The following FOXK1 variants were observed in gnomAD, a reference collection of about 807,000 sequenced individuals.
The protein encoded by FOXK1 is forkhead box K1.
FOXK1 carries 19 observed loss-of-function variants against 51.9 expected under a neutral mutation model. The ratio of observed to expected loss-of-function variants is 0.37; its 90% CI spans 0.26 to 0.54. The LOEUF (loss-of-function observed/expected upper bound fraction) is 0.54, where lower values mean the gene tolerates loss of function less well. Ranked by LOEUF, FOXK1 falls within the 20% of genes least tolerant of loss-of-function variation. FOXK1 has a pLI of 0.87. For missense variants in FOXK1, 870 were observed against 1,032.7 expected, an observed-to-expected ratio of 0.84 and a Z score of 2.16; for synonymous variants, 537 against 482.6, an observed-to-expected ratio of 1.11 and a Z score of -1.48.
intron 1 of FOXK1, among the ~76,000 whole-genome samples, chr7:4,685,776 C>G (rs996437469): frequency 6.6e-6 from 1 of 151,810 alleles, no homozygotes; most frequent in African/African-American, 2.4e-5. Context: ...AACCCTGTCT[C>G]TACTAAAAAT....
chr7:4,738,354 T>C (rs1780584936), intron 1 of FOXK1, among the ~76,000 whole-genome samples: 2 of 151,636 alleles, frequency 1.3e-5, no homozygotes, highest in African/African-American at 4.8e-5. Flanking sequence ...GCAGAATCGC[T>C]TGAACCCAGG....
chr7:4,691,017 T>G (rs1167369304), intron 1 of FOXK1, among the ~76,000 whole-genome samples: 6 of 152,236 alleles, frequency 3.9e-5, no homozygotes, highest in African/African-American at 1.4e-4. Flanking sequence ...GTACTTAATT[T>G]TCATTGCGAC....
chr7:4,728,399 C>T (rs932338363), intron 1 of FOXK1, among the ~76,000 whole-genome samples: 1 of 152,220 alleles, frequency 6.6e-6, no homozygotes, highest in Non-Finnish European at 1.5e-5. Flanking sequence ...GCATTAAGCT[C>T]ATTCCACTTC....
rs914879707 is a variant in FOXK1, at chr7:4,743,743, T to C, written c.746+2720T>C. On this transcript the variant is annotated intron_variant, in intron 2 of 8. Coordinates refer to ENST00000328914, the MANE Select transcript of FOXK1 (RefSeq NM_001037165.2). The surrounding 1 kb of genome is among the most constrained non-coding windows in gnomAD (Gnocchi z 5.3). ...CTGGTCCTGCTGCTTTTGGGGCGGG[T>C]AGCAAAGGCCTCAGGTCCAGAGAGA... Among the ~76,000 whole-genome samples, 3 of 151,828 alleles carry C rather than the reference T, an allele frequency of 2.0e-5. No individual in the cohort carries two copies. Among genetic ancestry groups the C allele is most frequent in the Non-Finnish European group, 4.4e-5 (3 of 67,926 alleles).
At chr7:4,737,313 T>C (rs1326185542) in intron 1 of FOXK1, among the ~76,000 whole-genome samples, 1 of 152,262 alleles carries the variant, frequency 6.6e-6, no homozygotes, top group Non-Finnish European at 1.5e-5. Context: ...TTCGTTGATT[T>C]GCAGTGGTTG....
intron 1 of FOXK1, among the ~76,000 whole-genome samples, chr7:4,701,811 G>T (rs1780024179): frequency 6.6e-6 from 1 of 152,198 alleles, no homozygotes; most frequent in African/African-American, 2.4e-5. Flanking sequence ...GAGAATGGTG[G>T]GAACCTGGGA....
chr7:4,710,990 A>G (rs990343033), intron 1 of FOXK1, among the ~76,000 whole-genome samples: 1 of 152,200 alleles, frequency 6.6e-6, no homozygotes, highest in African/African-American at 2.4e-5. Flanking sequence ...GGTTCTGGGA[A>G]GCCCCATCAC....
Position 4,682,786 on chromosome 7 carries a change from C to T in FOXK1, c.478C>T (p.Leu160=). The T allele has an allele frequency of 1.3e-6, 2 of 1,592,732 alleles. No individual in the cohort carries two copies. Among genetic ancestry groups the T allele is most frequent in the Non-Finnish European group, 1.7e-6 (2 of 1,175,862 alleles). ...CAGCTTCCAGGAGCCGCACTTCTACCTGCGCTGCCTCGGCAAGAACGGCGT... is the reference window on the plus strand; with the variant it reads ...CAGCTTCCAGGAGCCGCACTTCTACTTGCGCTGCCTCGGCAAGAACGGCGT... ...QLSFQEPHFY[L]RCLGKNGVFV... The change falls in exon 1 of 9, where the codon CTG becomes TTG. Residue 160 remains leucine, a synonymous_variant. Transcript: ENST00000328914. This position sits in a 1 kb window ranked among gnomAD's most constrained non-coding sequence, Gnocchi z 7.6.
intron 1 of FOXK1, among the ~76,000 whole-genome samples, chr7:4,688,172 CCCCCTCG>C (rs897257803): frequency 3.8e-4 from 57 of 148,724 alleles, no homozygotes; most frequent in African/African-American, 1.3e-3. Flanking sequence ...ATTCACCTTT[CCCCCTCG>C]CCCCAGTTCT....
In FOXK1 at chr7:4,718,277, G is replaced by A. The variant is rs569097265; in HGVS notation, c.561-22561G>A. The stretch of plus-strand genomic sequence containing the variant: ...CTGCGACCGCCACCTCGGTCACCAC[G>A]CAGAGCCATCCCCACCGTGGCGGCC... On this transcript the variant is annotated intron_variant, in intron 1 of 8. Transcript: ENST00000328914. Among the ~76,000 whole-genome samples the A allele has an allele frequency of 3.3e-4, 51 of 152,310 alleles. 1 individual carries two copies. The highest frequency in any genetic ancestry group is 1.1e-3 in the African/African-American group (46 of 41,576).
At chr7:4,712,658 G>A (rs1396917387) in intron 1 of FOXK1, among the ~76,000 whole-genome samples, 2 of 152,172 alleles carry the variant, frequency 1.3e-5, no homozygotes, top group Non-Finnish European at 1.5e-5. Flanking sequence ...AAGTGTACCA[G>A]CGATCAGGCT....
rs775099211 is a variant in FOXK1 at position 4,704,834 on chromosome 7, C to CTTTTTTTTTTTTTTTTTTTTTTTTTT, written c.560+21981_560+21982insTTTTTTTTTTTTTTTTTTTTTTTTTT. 3.0e-4 allele frequency among the ~76,000 whole-genome samples: 39 copies of CTTTTTTTTTTTTTTTTTTTTTTTTTT among 131,396 alleles called. 3 individuals are homozygous for CTTTTTTTTTTTTTTTTTTTTTTTTTT. The highest frequency in any genetic ancestry group is 1.3e-3 in the African/African-American group (39 of 31,082). The allele number at this position is 131,396 out of a possible 152,430, so 86.2% of individuals were successfully genotyped here. On this transcript the variant is annotated intron_variant, in intron 1 of 8. Transcript: ENST00000328914. The stretch of plus-strand genomic sequence containing the variant: ...CTCCCAAACCAATCTATGTTTCATT[C>CTTTTTTTTTTTTTTTTTTTTTTTTTT]TTTTTTTTTTTTTTTGAGAAAAAGT...
chr7:4,682,745 G>A lies in FOXK1; in HGVS notation c.437G>A (p.Arg146Gln). 6.2e-7 allele frequency: 1 copy of A among 1,602,076 alleles called. No homozygotes were observed. ...ATGGGCCTGTCCAGCTTCATCTCGC[G>A]GCGCCACCTGCAGCTCAGCTTCCAG... ...LSMGLSSFIS[R>Q]RHLQLSFQEP... The change falls in exon 1 of 9, where the codon CGG becomes CAG. Residue 146 changes from arginine to glutamine, a missense_variant. By Grantham distance (43) the Arg-to-Gln change is conservative (BLOSUM62 1). Around this residue, in one of 3 missense-constraint regions of FOXK1, gnomAD observed 399 missense variants for 475.6 expected, o/e 0.84. Coordinates refer to ENST00000328914, the MANE Select transcript of FOXK1 (RefSeq NM_001037165.2). The surrounding 1 kb of genome is among the most constrained non-coding windows in gnomAD (Gnocchi z 7.6).
At position 4,682,997 on chromosome 7, in the gene FOXK1, G is replaced by A. The variant is rs1406537854; in HGVS notation, c.560+129G>A. ...ACCCCCACCCCCCGGCCCACCCCCG[G>A]TAACCCCCGACCGGCCTGGACTCCG... On this transcript the variant is annotated intron_variant, in intron 1 of 8. Coordinates refer to ENST00000328914, the MANE Select transcript of FOXK1 (RefSeq NM_001037165.2). The surrounding 1 kb of genome is among the most constrained non-coding windows in gnomAD (Gnocchi z 7.6). 5 of 903,068 alleles carry A rather than the reference G, an allele frequency of 5.5e-6. No individual in the cohort carries two copies. The highest frequency in any genetic ancestry group is 4.9e-5 in the Admixed American group (1 of 20,612). 55.9% of individuals were successfully genotyped at this position (903,068 alleles called of 1,614,324 possible).
intron 2 of FOXK1, 24 bp downstream of exon 2, chr7:4,741,047 T>C: frequency 6.8e-7 from 1 of 1,471,234 alleles, no homozygotes; most frequent in Non-Finnish European, 9.0e-7. Context: ...CAGCCTGCCC[T>C]TGGGCCCCCA....
At chr7:4,706,374 T>G (rs1251502720) in intron 1 of FOXK1, among the ~76,000 whole-genome samples, 1 of 152,130 alleles carries the variant, frequency 6.6e-6, no homozygotes, top group Admixed American at 6.6e-5. Flanking sequence ...AGTTAGGAGT[T>G]TATATCTGTG....
rs1279751963 is a variant in FOXK1 at position 4,743,786 on chromosome 7, T to C, written c.746+2763T>C. On this transcript the variant is annotated intron_variant, in intron 2 of 8. Coordinates refer to ENST00000328914, the MANE Select transcript of FOXK1 (RefSeq NM_001037165.2). The surrounding 1 kb of genome is among the most constrained non-coding windows in gnomAD (Gnocchi z 5.3). ...CAGAGAGAAGCAGGCCAGGCAGCGATCCGGGGCTCCTGAGGAAGGGCTAGG... is the reference window on the plus strand; with the variant it reads ...CAGAGAGAAGCAGGCCAGGCAGCGACCCGGGGCTCCTGAGGAAGGGCTAGG... Among the ~76,000 whole-genome samples the C allele has an allele frequency of 6.6e-6, 1 of 152,004 alleles. No individual in the cohort carries two copies. The highest frequency in any genetic ancestry group is 1.5e-5 in the Non-Finnish European group (1 of 68,022).
At chr7:4,737,959 C>G (rs997920267) in intron 1 of FOXK1, among the ~76,000 whole-genome samples, 1 of 151,998 alleles carries the variant, frequency 6.6e-6, no homozygotes, top group Non-Finnish European at 1.5e-5. Context: ...CCTGTCTCTA[C>G]TAAAAATACA....
At chr7:4,705,966 ATATATACGTATATATACG>A (rs1562372954) in intron 1 of FOXK1, among the ~76,000 whole-genome samples, 9 of 72,080 alleles carry the variant, frequency 1.2e-4, no homozygotes, top group Admixed American at 4.4e-4. Flanking sequence ...ATATGTATAT[ATATATACGTATATATACG>A]TATATATACG....
Sources: gnomAD v4.1 joint callset for allele counts (sites outside exome capture counted in the v4.1 genomes callset) on GRCh38, gnomAD v4.1.1 for gene constraint, gnomAD v4.1.1 regional missense constraint, Gnocchi (gnomAD v3.1) non-coding constraint, MANE v1.5 for transcripts, NCBI Gene and HGNC (gene_info 2026-07-23, HGNC 2026-07-21) for gene names.